LAMB1: variants seen among roughly 807,000 people sequenced by gnomAD.
LAMB1 encodes laminin subunit beta-1.
A neutral mutation model predicts 222.3 loss-of-function variants in LAMB1; 121 were observed. The ratio of observed to expected loss-of-function variants is 0.54; its 90% CI spans 0.47 to 0.63. The LOEUF (loss-of-function observed/expected upper bound fraction) is 0.63. Among genes scored for constraint, LAMB1 ranks in the 30% least tolerant of loss-of-function variants. LAMB1 has a pLI of 0.00. For synonymous variants in LAMB1, 794 were observed against 807.2 expected (o/e 0.98, Z 0.28); for missense variants, 2,172 against 2,240.8 (o/e 0.97, Z 0.62).
At chr7:108,000,734 C>T (rs2034366858) in intron 3 of LAMB1, among the ~76,000 whole-genome samples, 1 of 151,930 alleles carries the variant, frequency 6.6e-6, no homozygotes, top group African/African-American at 2.4e-5. Flanking sequence ...TTTGTAGAGA[C>T]TGAGTCTATG....
intron 5 of LAMB1, among the ~76,000 whole-genome samples, chr7:107,987,910 G>A (rs1473528726): frequency 1.3e-5 from 2 of 152,130 alleles, no homozygotes; most frequent in South Asian, 4.1e-4. Context: ...CCATGCTAAG[G>A]GACTTACGTT....
In LAMB1 at chr7:107,962,994, G is replaced by A. The variant is rs764295585; in HGVS notation, c.1768C>T (p.Arg590Ter). Residue 590 changes from arginine (R) to a stop codon, truncating the protein, a stop_gained, in exon 15 of 34, where the codon CGA becomes TGA. Coordinates refer to ENST00000222399, the MANE Select transcript of LAMB1 (RefSeq NM_002291.3). LOFTEE classifies it high-confidence loss of function. ...IPSWTGAGFVRVPEGAYLEFF... is the reference protein window; with the variant it reads ...IPSWTGAGFV ...TCCAAATAAGCCCCTTCAGGCACTCGGACGAAGCCGGCTCCAGTCCAGGAG... is the reference window on the plus strand; with the variant it reads ...TCCAAATAAGCCCCTTCAGGCACTCAGACGAAGCCGGCTCCAGTCCAGGAG... 13 of 1,613,986 alleles carry A rather than the reference G, an allele frequency of 8.1e-6. No individual in the cohort carries two copies. Among genetic ancestry groups the A allele is most frequent in the East Asian group, 6.7e-5 (3 of 44,882 alleles).
At chr7:107,938,274 A>G (rs2032897650) in intron 25 of LAMB1, among the ~76,000 whole-genome samples, 1 of 152,252 alleles carries the variant, frequency 6.6e-6, no homozygotes, top group African/African-American at 2.4e-5. Flanking sequence ...GGGATGGTTT[A>G]AAATGGTAGA....
intron 2 of LAMB1, 139 bp from the exon 3 acceptor site, chr7:108,001,872 CA>C (rs2034394597): frequency 6.7e-7 from 1 of 1,491,894 alleles, no homozygotes; most frequent in Middle Eastern, 1.8e-4. Flanking sequence ...ACAGAAAAGA[CA>C]ATGGAGAGAT....
chr7:107,985,888 C>T (rs2034065689), intron 7 of LAMB1, 134 bp downstream of exon 7: 2 of 640,650 alleles, frequency 3.1e-6, no homozygotes, highest in Non-Finnish European at 2.7e-6. Flanking sequence ...ACCCGGGAGG[C>T]GGAGGTTGCA....
chr7:107,980,662 G>A lies in LAMB1; in HGVS notation c.826C>T (p.His276Tyr). 1.2e-6 allele frequency: 2 copies of A among 1,614,124 alleles called. No individual in the cohort carries two copies. Among genetic ancestry groups the A allele is most frequent in the Non-Finnish European group, 1.7e-6 (2 of 1,180,020 alleles). The change falls in exon 8 of 34, where the codon CAT (histidine) becomes TAT (tyrosine). Residue 276 changes from histidine (H) to tyrosine (Y), a missense_variant. Transcript: ENST00000222399. ...TCCACAGGGGCACATTCGCTGGCAT[G>A]ACCATAGCAGAAGCAATTTCCTCGA... ...VVRGNCFCYG[H>Y]ASECAPVDGF...
rs1215306361 is a variant in LAMB1 at position 107,952,669 on chromosome 7, G to C, written c.3080-446C>G. 2.6e-5 allele frequency among the ~76,000 whole-genome samples: 4 copies of C among 152,302 alleles called. No homozygotes were observed. In the East Asian group the frequency reaches 7.7e-4, roughly 29 times the overall value. On this transcript the variant is annotated intron_variant, in intron 22 of 33. Transcript: ENST00000222399. Reference sequence around the variant, plus strand: ...TAAGGCTTTTAAGGAATCCAGTCCTGCTGGTCCCTAGCATTCCACACATGT... The same window carrying C: ...TAAGGCTTTTAAGGAATCCAGTCCTCCTGGTCCCTAGCATTCCACACATGT...
At chr7:107,929,666 G>C (rs749421736) in intron 29 of LAMB1, 47 bp from the exon 30 acceptor site, 1 of 1,500,300 alleles carries the variant, frequency 6.7e-7, no homozygotes, top group East Asian at 2.3e-5. Context: ...AAGAATAGAT[G>C]GTTCATTCAT....
chr7:107,991,158 C>T (rs570893363), intron 5 of LAMB1, among the ~76,000 whole-genome samples: 1 of 152,172 alleles, frequency 6.6e-6, no homozygotes, highest in African/African-American at 2.4e-5. Context: ...AACATGATAG[C>T]AGCAGTTATT....
intron 31 of LAMB1, among the ~76,000 whole-genome samples, chr7:107,928,375 A>C (rs769179525): frequency 2.6e-5 from 4 of 152,248 alleles, no homozygotes; most frequent in African/African-American, 4.8e-5. Flanking sequence ...TTTGATGACC[A>C]AAATCTTGAG....
At chr7:107,991,863 G>C (rs962049635) in intron 5 of LAMB1, among the ~76,000 whole-genome samples, 1 of 139,806 alleles carries the variant, frequency 7.2e-6, no homozygotes, top group Non-Finnish European at 1.5e-5. Flanking sequence ...AGCTGAGATC[G>C]CGCCACTGCA....
At chr7:107,994,982 T>A (rs1183562550) in intron 4 of LAMB1, 22 bp from the exon 5 acceptor site, 2 of 1,337,112 alleles carry the variant, frequency 1.5e-6, no homozygotes, top group Non-Finnish European at 2.1e-6. Context: ...TTAAAAAAAA[T>A]AAAACAATAA....
At chr7:107,987,954 G>A (rs143346618) in intron 5 of LAMB1, among the ~76,000 whole-genome samples, 84 of 152,334 alleles carry the variant, frequency 5.5e-4, no homozygotes, top group African/African-American at 2.0e-3. Flanking sequence ...AAAAATTTAA[G>A]TGGACAAATG....
chr7:107,997,674 A>G (rs1191549224), intron 4 of LAMB1, among the ~76,000 whole-genome samples: 1 of 152,184 alleles, frequency 6.6e-6, no homozygotes, highest in Non-Finnish European at 1.5e-5. Context: ...CAATAACTCT[A>G]CCTTTATTCC....
intron 3 of LAMB1, among the ~76,000 whole-genome samples, chr7:107,999,052 C>A (rs922841114): frequency 1.3e-5 from 2 of 152,182 alleles, no homozygotes; most frequent in Non-Finnish European, 2.9e-5. Flanking sequence ...GGCTAACCTG[C>A]AAATTGCTCA....
At chr7:107,978,377 T>C (rs920506471) in intron 8 of LAMB1, among the ~76,000 whole-genome samples, 1 of 151,876 alleles carries the variant, frequency 6.6e-6, no homozygotes, top group African/African-American at 2.4e-5. Flanking sequence ...AGAATGTTCC[T>C]ATTACATAGT....
intron 25 of LAMB1, among the ~76,000 whole-genome samples, chr7:107,938,243 C>A (rs903873858): frequency 6.6e-6 from 1 of 152,114 alleles, no homozygotes; most frequent in East Asian, 1.9e-4. Context: ...TATAACCCAA[C>A]TCAAAGAAAA....
chr7:108,001,270 A>C (rs912735265), intron 3 of LAMB1, among the ~76,000 whole-genome samples: 13 of 152,260 alleles, frequency 8.5e-5, no homozygotes, highest in South Asian at 2.1e-4. Flanking sequence ...AGTTTTAAAA[A>C]ACACACACAC....
chr7:107,941,164 C>T (rs766625122), intron 24 of LAMB1, among the ~76,000 whole-genome samples: 3 of 152,222 alleles, frequency 2.0e-5, no homozygotes, highest in South Asian at 2.1e-4. Flanking sequence ...AGGAAAATCA[C>T]GTGCCGTACA....
Sources: gnomAD v4.1 joint callset for allele counts (sites outside exome capture counted in the v4.1 genomes callset) on GRCh38, gnomAD v4.1.1 for gene constraint, MANE v1.5 for transcripts, NCBI Gene and HGNC (gene_info 2026-07-23, HGNC 2026-07-21) for gene names.